SLC8A1: variants seen among roughly 807,000 people sequenced by gnomAD.
SLC8A1 encodes the protein sodium/calcium exchanger 1.
In SLC8A1, 18 loss-of-function variants were observed where a neutral mutation model predicts 68.3. The observed-to-expected ratio is 0.26, with a 90% CI of 0.18 to 0.39. SLC8A1 has a LOEUF of 0.39. Ranked by LOEUF, SLC8A1 falls within the 10% of genes least tolerant of loss-of-function variation. The probability of loss-of-function intolerance (pLI) is 1.00; values close to 1 mark genes in which losing one functional copy is unlikely to be tolerated. For synonymous variants in SLC8A1, 475 were observed against 415.5 expected, an observed-to-expected ratio of 1.14 and a Z score of -1.74; for missense variants, 985 against 1,156.7, an observed-to-expected ratio of 0.85 and a Z score of 2.15.
intron 1 of SLC8A1, among the ~76,000 whole-genome samples, chr2:40,495,636 T>C (rs1176342709): frequency 6.6e-6 from 1 of 152,050 alleles, no homozygotes; most frequent in Non-Finnish European, 1.5e-5. Flanking sequence ...CTTGCACAAC[T>C]GTTGATAGTG....
chr2:40,291,903 C>CTT (rs75778511), intron 2 of SLC8A1, among the ~76,000 whole-genome samples: 1,503 of 138,228 alleles, frequency 0.011, 32 homozygotes, highest in African/African-American at 0.036. Flanking sequence ...GACATCTTTA[C>CTT]TTTTTTTTTT....
chr2:40,364,440 G>T (rs1463874755), intron 2 of SLC8A1, among the ~76,000 whole-genome samples: 5 of 123,490 alleles, frequency 4.0e-5, no homozygotes, highest in Admixed American at 7.7e-5. Context: ...GGAAAGTATG[G>T]CAAGTAAAAC....
chr2:40,101,324 C>G (rs1376352197), exon 8 of SLC8A1: 1 of 152,014 alleles, frequency 6.6e-6, no homozygotes, highest in Admixed American at 6.5e-5. Flanking sequence ...TTAGCTCAGT[C>G]AGTCATACAC....
chr2:40,441,610 C>CTGTG (rs1239804875), intron 1 of SLC8A1, among the ~76,000 whole-genome samples: 1 of 152,020 alleles, frequency 6.6e-6, no homozygotes, highest in Non-Finnish European at 1.5e-5. Context: ...ATAAATAACA[C>CTGTG]TACACATCTA....
chr2:40,490,503 T>C (rs768237983), intron 1 of SLC8A1, among the ~76,000 whole-genome samples: 1 of 152,146 alleles, frequency 6.6e-6, no homozygotes. Flanking sequence ...ACCCAGTATT[T>C]CAATAAGTTT....
At chr2:40,260,279 C>G (rs574062223) in intron 2 of SLC8A1, among the ~76,000 whole-genome samples, 1 of 152,144 alleles carries the variant, frequency 6.6e-6, no homozygotes, top group Non-Finnish European at 1.5e-5. Context: ...AAAAGGGAAC[C>G]AGGGAAGGGC....
intron 2 of SLC8A1, among the ~76,000 whole-genome samples, chr2:40,298,901 T>C (rs947124712): frequency 6.6e-6 from 1 of 152,204 alleles, no homozygotes; most frequent in Non-Finnish European, 1.5e-5. Context: ...CTTGGCCTTA[T>C]CAATTCGCCT....
intron 2 of SLC8A1, among the ~76,000 whole-genome samples, chr2:40,402,548 G>C (rs1410530634): frequency 6.6e-6 from 1 of 152,164 alleles, no homozygotes; most frequent in Non-Finnish European, 1.5e-5. Context: ...TTGGGGTCTG[G>C]ATTAGGACCC....
At chr2:40,192,325 G>C (rs1460564058) in intron 2 of SLC8A1, among the ~76,000 whole-genome samples, 1 of 150,304 alleles carries the variant, frequency 6.7e-6, no homozygotes, top group Non-Finnish European at 1.5e-5. Flanking sequence ...GAATGAAAAA[G>C]CAATGATTTC....
At chr2:40,203,251 GAC>G (rs1330975924) in intron 2 of SLC8A1, among the ~76,000 whole-genome samples, 2 of 151,964 alleles carry the variant, frequency 1.3e-5, no homozygotes, top group African/African-American at 4.8e-5. Flanking sequence ...TAATCCTGGA[GAC>G]ACAGCTTTCA....
At chr2:40,372,928 A>T (rs1235650413) in intron 2 of SLC8A1, among the ~76,000 whole-genome samples, 1 of 152,072 alleles carries the variant, frequency 6.6e-6, no homozygotes, top group East Asian at 1.9e-4. Context: ...TTGATGGTTT[A>T]TCAAGAGAGG....
At position 40,130,862 on chromosome 2, in the gene SLC8A1, G is replaced by A. The variant is rs938864427; in HGVS notation, c.2437+8539C>T. On this transcript the variant is annotated intron_variant, in intron 7 of 7. Transcript: ENST00000406785. ...AAAGCTCATGGTCAGTGAAACTGCAGGAAACAGAAGCACATTTGGATATGT... is the reference window on the plus strand; with the variant it reads ...AAAGCTCATGGTCAGTGAAACTGCAAGAAACAGAAGCACATTTGGATATGT... Among the ~76,000 whole-genome samples the A allele has an allele frequency of 5.3e-5, 8 of 152,190 alleles. No homozygotes were observed. The South Asian group carries it at 1.7e-3, about 32-fold the overall frequency.
At chr2:40,344,219 G>C (rs1668545317) in intron 2 of SLC8A1, among the ~76,000 whole-genome samples, 1 of 152,152 alleles carries the variant, frequency 6.6e-6, no homozygotes, top group Non-Finnish European at 1.5e-5. Context: ...CAACAGCAAA[G>C]TATCTAAGTT....
chr2:40,477,361 G>A (rs1324079469), intron 1 of SLC8A1, among the ~76,000 whole-genome samples: 1 of 152,170 alleles, frequency 6.6e-6, no homozygotes, highest in African/African-American at 2.4e-5. Context: ...GAGTAAATCA[G>A]TTCAATCCTA....
intron 2 of SLC8A1, among the ~76,000 whole-genome samples, chr2:40,297,791 T>C (rs1330662223): frequency 6.6e-5 from 10 of 152,230 alleles, no homozygotes; most frequent in Admixed American, 2.0e-4. Flanking sequence ...TAATGACTCA[T>C]CTTCAATTCA....
chr2:40,392,200 GAAAAGA>G (rs768183280), intron 2 of SLC8A1, among the ~76,000 whole-genome samples: 30 of 150,372 alleles, frequency 2.0e-4, no homozygotes, highest in African/African-American at 4.4e-4. Context: ...AAAAAAGAAA[GAAAAGA>G]AAAAGAAAAA....
At chr2:40,435,261 T>G (rs1342731649) in intron 1 of SLC8A1, among the ~76,000 whole-genome samples, 3 of 152,152 alleles carry the variant, frequency 2.0e-5, no homozygotes, top group Admixed American at 6.5e-5. Flanking sequence ...CATAAATCCT[T>G]ATCCACTACC....
intron 1 of SLC8A1, among the ~76,000 whole-genome samples, chr2:40,508,743 A>T (rs1479674394): frequency 6.6e-6 from 1 of 152,092 alleles, no homozygotes; most frequent in Non-Finnish European, 1.5e-5. Flanking sequence ...GAGAAAGTAC[A>T]TTTTTTTCCT....
chr2:40,352,227 C>T (rs1575618484), intron 2 of SLC8A1, among the ~76,000 whole-genome samples: 1 of 152,170 alleles, frequency 6.6e-6, no homozygotes, highest in South Asian at 2.1e-4. Flanking sequence ...GTGAACAATT[C>T]AATTTAGGAA....
Sources: gnomAD v4.1 joint callset for allele counts (sites outside exome capture counted in the v4.1 genomes callset) on GRCh38, gnomAD v4.1.1 for gene constraint, MANE v1.5 for transcripts, NCBI Gene and HGNC (gene_info 2026-07-23, HGNC 2026-07-21) for gene names.